The following CREB5 variants were observed in gnomAD, a reference collection of about 807,000 sequenced individuals.
CREB5 encodes the protein cAMP responsive element binding protein 5.
In CREB5, 19 loss-of-function variants were observed where a neutral mutation model predicts 57.1. The ratio of observed to expected loss-of-function variants is 0.33; its 90% confidence interval spans 0.23 to 0.49. The LOEUF (loss-of-function observed/expected upper bound fraction) is 0.49, where lower values mean the gene tolerates loss of function less well. Ranked by LOEUF, CREB5 falls within the 20% of genes least tolerant of loss-of-function variation. CREB5 has a pLI of 0.99. For missense variants in CREB5, 579 were observed against 671.6 expected (o/e 0.86, Z 1.52); for synonymous variants, 238 against 238.3 (o/e 1.00, Z 0.01).
intron 1 of CREB5, among the ~76,000 whole-genome samples, chr7:28,355,523 A>T (rs566358840): frequency 2.0e-5 from 3 of 152,332 alleles, no homozygotes; most frequent in Admixed American, 2.0e-4. Context: ...AGAGTGTCCT[A>T]AAGAAAAGAT....
At chr7:28,767,249 T>C (rs1216501639) in intron 7 of CREB5, among the ~76,000 whole-genome samples, 1 of 152,196 alleles carries the variant, frequency 6.6e-6, no homozygotes, top group Non-Finnish European at 1.5e-5. Context: ...TTATTTTTGT[T>C]TTTTATTTTC....
intron 1 of CREB5, among the ~76,000 whole-genome samples, chr7:28,374,060 A>G (rs990151610): frequency 6.6e-6 from 1 of 152,168 alleles, no homozygotes; most frequent in Non-Finnish European, 1.5e-5. Flanking sequence ...GCTTCAATGG[A>G]TTTGAATAAA....
chr7:28,738,252 A>C (rs1804145109), intron 7 of CREB5, among the ~76,000 whole-genome samples: 2 of 152,172 alleles, frequency 1.3e-5, no homozygotes, highest in Non-Finnish European at 2.9e-5. Flanking sequence ...TGCCATGCCA[A>C]CTTTTGGCAT....
At chr7:28,662,063 G>A (rs1178989357) in intron 5 of CREB5, among the ~76,000 whole-genome samples, 1 of 152,148 alleles carries the variant, frequency 6.6e-6, no homozygotes, top group Non-Finnish European at 1.5e-5. Context: ...TTGCCCCAAA[G>A]TGAACAGCAG....
intron 5 of CREB5, among the ~76,000 whole-genome samples, chr7:28,645,046 T>G (rs1400427231): frequency 6.6e-6 from 1 of 152,170 alleles, no homozygotes; most frequent in South Asian, 2.1e-4. Context: ...AAGATAGGAA[T>G]GTCCAGATCA....
At chr7:28,731,877 T>C (rs895051261) in intron 7 of CREB5, among the ~76,000 whole-genome samples, 2 of 152,228 alleles carry the variant, frequency 1.3e-5, no homozygotes, top group African/African-American at 4.8e-5. Context: ...AGAGACTTGG[T>C]GGTCTTGACT....
intron 1 of CREB5, among the ~76,000 whole-genome samples, chr7:28,428,572 A>G (rs143367666): frequency 2.2e-3 from 340 of 152,292 alleles, no homozygotes; most frequent in Non-Finnish European, 4.0e-3. Context: ...GGAAGATATT[A>G]AGGTATTTGA....
At chr7:28,304,402 A>AT (rs1265267361) in intron 1 of CREB5, among the ~76,000 whole-genome samples, 1 of 152,240 alleles carries the variant, frequency 6.6e-6, no homozygotes, top group African/African-American at 2.4e-5. Flanking sequence ...ATTTCCATTT[A>AT]TAGTAGATAT....
chr7:28,517,184 C>G (rs905022553), intron 4 of CREB5, among the ~76,000 whole-genome samples: 1 of 151,936 alleles, frequency 6.6e-6, no homozygotes, highest in Non-Finnish European at 1.5e-5. Context: ...CTCACAGAGA[C>G]GTGAAAAAAA....
chr7:28,365,458 T>C (rs56305235), intron 1 of CREB5, among the ~76,000 whole-genome samples: 27,155 of 152,130 alleles, frequency 0.18, 2,742 homozygotes, highest in South Asian at 0.27. Context: ...TTATCAGTTT[T>C]TCCATCTCTA....
At chr7:28,810,293 T>C (rs957775983) in intron 9 of CREB5, among the ~76,000 whole-genome samples, 1 of 151,414 alleles carries the variant, frequency 6.6e-6, no homozygotes, top group African/African-American at 2.4e-5. Context: ...CATTAAGAGT[T>C]GTGGATTATA....
chr7:28,545,579 C>T (rs529993863), intron 4 of CREB5, among the ~76,000 whole-genome samples: 8 of 152,284 alleles, frequency 5.3e-5, no homozygotes, highest in African/African-American at 9.6e-5. Context: ...CCACACCTAC[C>T]GCTTCTTTAA....
intron 5 of CREB5, among the ~76,000 whole-genome samples, chr7:28,713,242 TGTTGCTCA>T (rs1802498840): frequency 6.6e-6 from 1 of 152,116 alleles, no homozygotes; most frequent in South Asian, 2.1e-4. Flanking sequence ...GGTTTTGCCA[TGTTGCTCA>T]GGGTGGTTTC....
intron 1 of CREB5, among the ~76,000 whole-genome samples, chr7:28,399,045 A>G (rs1787393230): frequency 6.6e-6 from 1 of 152,110 alleles, no homozygotes; most frequent in Non-Finnish European, 1.5e-5. Context: ...CTGATGTTCT[A>G]TTATACATAC....
At chr7:28,595,530 G>C (rs1796663851) in intron 5 of CREB5, among the ~76,000 whole-genome samples, 1 of 152,082 alleles carries the variant, frequency 6.6e-6, no homozygotes, top group Non-Finnish European at 1.5e-5. Flanking sequence ...TTCTCTGGTG[G>C]ATTCCATTTC....
chr7:28,800,978 C>T (rs529645676), intron 7 of CREB5, among the ~76,000 whole-genome samples: 1 of 152,332 alleles, frequency 6.6e-6, no homozygotes, highest in East Asian at 1.9e-4. Flanking sequence ...TTTAGCCTTA[C>T]ACGGTTGTTC....
intron 5 of CREB5, among the ~76,000 whole-genome samples, chr7:28,668,640 G>A (rs1235455898): frequency 1.3e-5 from 2 of 152,148 alleles, no homozygotes; most frequent in Non-Finnish European, 2.9e-5. Flanking sequence ...CAAAGGGTTA[G>A]GTTTTCTTCT....
intron 1 of CREB5, among the ~76,000 whole-genome samples, chr7:28,315,679 C>T (rs552756710): frequency 1.1e-4 from 16 of 152,328 alleles, no homozygotes; most frequent in East Asian, 7.7e-4. Context: ...CGTTGGAAAA[C>T]GTCCTGCTGC....
intron 1 of CREB5, among the ~76,000 whole-genome samples, chr7:28,344,740 A>G (rs1047127727): frequency 6.6e-6 from 1 of 152,166 alleles, no homozygotes; most frequent in East Asian, 1.9e-4. Flanking sequence ...AAAAGACAAG[A>G]TCCAATTGTA....
Sources: gnomAD v4.1 joint callset for allele counts (sites outside exome capture counted in the v4.1 genomes callset) on GRCh38, gnomAD v4.1.1 for gene constraint, MANE v1.5 for transcripts, NCBI Gene and HGNC (gene_info 2026-07-23, HGNC 2026-07-21) for gene names.